EDA: variants seen among roughly 807,000 people sequenced by gnomAD.
The protein encoded by EDA is ectodysplasin A.
Under a neutral mutation model 23.6 loss-of-function variants are expected in EDA, and 2 were observed. That is an observed-to-expected ratio of 0.08 (90% CI 0.03 to 0.27). EDA has a LOEUF of 0.27. Among genes scored for constraint, EDA ranks in the 10% least tolerant of loss-of-function variants. The pLI is 1.00. For missense variants in EDA, 229 were observed against 324.2 expected, an observed-to-expected ratio of 0.71 and a Z score of 2.26; for synonymous variants, 131 against 132.0, an observed-to-expected ratio of 0.99 and a Z score of 0.05.
chrX:69,887,694 A>G (rs1273057750), intron 1 of EDA, among the ~76,000 whole-genome samples: 2 of 112,069 alleles, frequency 1.8e-5, no homozygotes, highest in African/African-American at 3.2e-5. Context: ...TTCATCACAT[A>G]TAAGGGAACC....
intron 1 of EDA, among the ~76,000 whole-genome samples, chrX:69,719,733 C>T (rs2012502982): frequency 9.1e-6 from 1 of 109,463 alleles, no homozygotes; most frequent in Admixed American, 9.8e-5. Context: ...CACACACACA[C>T]ACACACACAC....
At chrX:69,879,319 A>G (rs909734826) in intron 1 of EDA, among the ~76,000 whole-genome samples, 6 of 111,753 alleles carry the variant, frequency 5.4e-5, no homozygotes, top group African/African-American at 2.0e-4. Context: ...GTCCTTTCCT[A>G]TTCCTTGTTG....
At chrX:69,919,219 G>A (rs752096347) in intron 1 of EDA, among the ~76,000 whole-genome samples, 1 of 112,258 alleles carries the variant, frequency 8.9e-6, no homozygotes, top group South Asian at 3.7e-4. Flanking sequence ...ATGACTAAGG[G>A]GGAAGAGGGT....
intron 1 of EDA, among the ~76,000 whole-genome samples, chrX:69,943,612 G>C (rs1256624005): frequency 9.0e-6 from 1 of 111,327 alleles, no homozygotes; most frequent in Non-Finnish European, 1.9e-5. Context: ...GGACTGTGCT[G>C]GGTCAGACCC....
At chrX:69,617,121 T>G in intron 1 of EDA, 1 of 273,800 alleles carries the variant, frequency 3.7e-6, no homozygotes, top group East Asian at 6.7e-5. Context: ...CCCTTTGGAG[T>G]TGGAGCTGTA....
chrX:69,617,923 TAA>T (rs370312004), intron 1 of EDA, among the ~76,000 whole-genome samples: 6 of 96,629 alleles, frequency 6.2e-5, no homozygotes, highest in Admixed American at 1.1e-4. Flanking sequence ...GACTGATACT[TAA>T]AAAAAAAAAA....
chrX:70,018,709 T>C lies in EDA; in HGVS notation c.503-4509T>C, dbSNP rs750417605. 4.5e-5 allele frequency among the ~76,000 whole-genome samples: 5 copies of C among 111,738 alleles called. No individual in the cohort carries two copies. In the Admixed American group the frequency reaches 4.8e-4, roughly 11 times the overall value. On this transcript the variant is annotated intron_variant, in intron 2 of 7. Coordinates refer to ENST00000374552, the MANE Select transcript of EDA (RefSeq NM_001399.5). ...ACTCAAGGTGGATTAAATCCTTAAA[T>C]TTAAAACCCAAAACTATAAAAACCC...
intron 1 of EDA, among the ~76,000 whole-genome samples, chrX:69,700,909 A>G (rs2011516771): frequency 9.1e-6 from 1 of 110,320 alleles, no homozygotes; most frequent in Non-Finnish European, 1.9e-5. Flanking sequence ...GAGTTTTGAA[A>G]GGATGTCTCT....
At chrX:70,025,916 T>G (rs761503308) in intron 3 of EDA, among the ~76,000 whole-genome samples, 6 of 111,747 alleles carry the variant, frequency 5.4e-5, no homozygotes, top group Non-Finnish European at 1.1e-4. Context: ...GACCCCATGG[T>G]TTCATTCCAA....
rs1243962554 is a variant in EDA at position 69,744,719 on chromosome X, G to A, written c.396+128015G>A. Among the ~76,000 whole-genome samples the A allele has an allele frequency of 1.8e-5, 2 of 112,100 alleles. 1 individual carries two copies. The highest frequency in any genetic ancestry group is 8.4e-3 in the Middle Eastern group (2 of 238). The stretch of plus-strand genomic sequence containing the variant: ...TTTTGGTTAAGCAAAAAGACGTTGT[G>A]GTTTAGAGTAGCAAGGGTTGGTTGC... On this transcript the variant is annotated intron_variant, in intron 1 of 7. Coordinates refer to ENST00000374552, the MANE Select transcript of EDA (RefSeq NM_001399.5).
intron 1 of EDA, among the ~76,000 whole-genome samples, chrX:69,739,635 T>G (rs1179650404): frequency 9.0e-6 from 1 of 111,285 alleles, no homozygotes; most frequent in Non-Finnish European, 1.9e-5. Flanking sequence ...TATGATTTTT[T>G]CACTATATAT....
At chrX:69,676,484 C>CTGTGTGTGTG (rs372593855) in intron 1 of EDA, among the ~76,000 whole-genome samples, 11 of 106,382 alleles carry the variant, frequency 1.0e-4, no homozygotes, top group African/African-American at 3.8e-4. Flanking sequence ...ATGAGTTTTT[C>CTGTGTGTGTG]TGTGTGTGTG....
chrX:69,855,786 T>C (rs2017233921), intron 1 of EDA, among the ~76,000 whole-genome samples: 1 of 112,206 alleles, frequency 8.9e-6, no homozygotes, highest in South Asian at 3.7e-4. Context: ...TAAGATTGTC[T>C]TGTATATTCG....
At chrX:69,924,856 GA>G (rs2018489130) in intron 1 of EDA, among the ~76,000 whole-genome samples, 1 of 111,493 alleles carries the variant, frequency 9.0e-6, no homozygotes. Flanking sequence ...TCTTCTTGAA[GA>G]GGTCCTTCAA....
At chrX:69,940,534 C>A (rs2018742660) in intron 1 of EDA, among the ~76,000 whole-genome samples, 1 of 110,581 alleles carries the variant, frequency 9.0e-6, no homozygotes, top group Non-Finnish European at 1.9e-5. Context: ...GATAAAAAAA[C>A]TTTTCATTTT....
intron 7 of EDA, among the ~76,000 whole-genome samples, chrX:70,034,441 G>A (rs947352331): frequency 1.8e-5 from 2 of 111,801 alleles, no homozygotes; most frequent in African/African-American, 6.5e-5. Context: ...TTCATAAAAT[G>A]ATTTACGGTG....
intron 1 of EDA, among the ~76,000 whole-genome samples, chrX:69,838,771 A>T: frequency 8.9e-6 from 1 of 112,362 alleles, no homozygotes; most frequent in East Asian, 2.8e-4. Context: ...AAAGGAATAT[A>T]TCTCTTTTAT....
At chrX:69,729,002 G>T (rs2012916068) in intron 1 of EDA, 1 of 111,647 alleles carries the variant, frequency 9.0e-6, no homozygotes, top group African/African-American at 3.3e-5. Flanking sequence ...CAAATAAAAT[G>T]AATCTGGCTG....
intron 1 of EDA, among the ~76,000 whole-genome samples, chrX:69,732,723 A>G (rs2013085624): frequency 8.9e-6 from 1 of 112,065 alleles, no homozygotes; most frequent in South Asian, 3.8e-4. Context: ...CCAACAGTGT[A>G]AAAGTGTTCC....
Sources: gnomAD v4.1 joint callset for allele counts (sites outside exome capture counted in the v4.1 genomes callset) on GRCh38, gnomAD v4.1.1 for gene constraint, MANE v1.5 for transcripts, NCBI Gene and HGNC (gene_info 2026-07-23, HGNC 2026-07-21) for gene names.